RYR3: variants seen among roughly 807,000 people sequenced by gnomAD.
RYR3 encodes brain ryanodine receptor-calcium release channel.
A neutral mutation model predicts 584.3 loss-of-function variants in RYR3; 207 were observed. The ratio of observed to expected loss-of-function variants is 0.35; its 90% CI spans 0.32 to 0.40. RYR3 has a LOEUF of 0.40. RYR3 is among the 10% of genes least tolerant of loss of function. The pLI is 1.00. For missense variants in RYR3, 5,616 were observed against 6,089.2 expected, an observed-to-expected ratio of 0.92 and a Z score of 2.59; for synonymous variants, 2,416 against 2,248.5, an observed-to-expected ratio of 1.07 and a Z score of -2.11.
At chr15:33,713,241 G>C (rs1055933831) in intron 43 of RYR3, among the ~76,000 whole-genome samples, 2 of 151,896 alleles carry the variant, frequency 1.3e-5, no homozygotes, top group Non-Finnish European at 2.9e-5. Flanking sequence ...GTGGGTGATG[G>C]GGTGTTCATG....
chr15:33,584,603 A>T, intron 15 of RYR3, 113 bp downstream of exon 15: 1 of 570,190 alleles, frequency 1.8e-6, no homozygotes, highest in Non-Finnish European at 3.1e-6. Flanking sequence ...CAATCCTCAA[A>T]TCATACTTCA....
intron 1 of RYR3, among the ~76,000 whole-genome samples, chr15:33,346,110 A>G (rs1053353734): frequency 2.0e-5 from 3 of 152,234 alleles, no homozygotes; most frequent in African/African-American, 7.2e-5. Flanking sequence ...CAATAATACT[A>G]TACCAACTTC....
chr15:33,484,480 T>G (rs2050243669), intron 2 of RYR3, among the ~76,000 whole-genome samples: 1 of 152,170 alleles, frequency 6.6e-6, no homozygotes, highest in African/African-American at 2.4e-5. Context: ...AGATAGGTGA[T>G]GAGGGCACAG....
chr15:33,860,614 C>G lies in RYR3; in HGVS notation c.14319C>G (p.Phe4773Leu). 1 of 1,590,414 alleles carries G rather than the reference C, an allele frequency of 6.3e-7. No homozygotes were observed. The change falls in exon 101 of 104, where the codon TTC (phenylalanine) becomes TTG (leucine). Residue 4773 changes from phenylalanine to leucine, a missense_variant. By Grantham distance (22) the Phe-to-Leu change is conservative. Transcript: ENST00000634891. ...TTCCAGGTCTTATTATTGATGCTTT[C>G]GGAGAGCTAAGAGACCAGCAGGAAC... ...AIIQGLIIDA[F>L]GELRDQQEQV...
intron 1 of RYR3, among the ~76,000 whole-genome samples, chr15:33,404,444 C>A (rs1272613073): frequency 2.0e-5 from 3 of 152,186 alleles, no homozygotes; most frequent in Admixed American, 1.3e-4. Flanking sequence ...TCTCAAAGCT[C>A]AGGTTCTTCT....
intron 63 of RYR3, 90 bp from the exon 64 acceptor site, chr15:33,773,444 C>G (rs1306555403): frequency 7.0e-6 from 6 of 859,858 alleles, no homozygotes; most frequent in Non-Finnish European, 1.1e-5. Flanking sequence ...TTACTCTTTA[C>G]TGATGCTCAT....
intron 43 of RYR3, among the ~76,000 whole-genome samples, chr15:33,719,641 CA>C (rs1312383139): frequency 6.6e-6 from 1 of 152,170 alleles, no homozygotes; most frequent in African/African-American, 2.4e-5. Flanking sequence ...TACTGGAGGC[CA>C]AAACCATTCG....
chr15:33,424,733 G>A (rs1426449522), intron 1 of RYR3, among the ~76,000 whole-genome samples: 1 of 152,086 alleles, frequency 6.6e-6, no homozygotes, highest in Admixed American at 6.5e-5. Context: ...ATCACATGGG[G>A]GTTTTTGTGA....
chr15:33,679,319 G>A (rs1234450635), intron 38 of RYR3, among the ~76,000 whole-genome samples: 2 of 152,162 alleles, frequency 1.3e-5, no homozygotes, highest in African/African-American at 2.4e-5. Context: ...GTTTAGTGAT[G>A]TGCAGTGATG....
Position 33,310,974 on chromosome 15 carries a change from A to C in RYR3, c.-72A>C. 8.5e-7 allele frequency: 1 copy of C among 1,173,166 alleles called. No individual in the cohort carries two copies. 72.7% of individuals were successfully genotyped at this position (1,173,166 alleles called of 1,614,324 possible). A position where few individuals can be genotyped will look rare whatever the true frequency, so the allele number is the denominator to read the frequency against. On this transcript the variant is annotated 5_prime_UTR_variant, in exon 1 of 104. Transcript: ENST00000634891. Reference sequence around the variant, plus strand: ...GAGGAGAAAGAGCGCAGCAGCAGTCAGCGCACGCCGAGCGGCTGCCGGGGG... The same window carrying C: ...GAGGAGAAAGAGCGCAGCAGCAGTCCGCGCACGCCGAGCGGCTGCCGGGGG...
chr15:33,692,078 T>C (rs1221339684), intron 38 of RYR3, among the ~76,000 whole-genome samples: 1 of 152,248 alleles, frequency 6.6e-6, no homozygotes, highest in African/African-American at 2.4e-5. Context: ...TTATTAAACC[T>C]GCAGTATGTG....
At chr15:33,509,802 T>A (rs2052810538) in intron 3 of RYR3, among the ~76,000 whole-genome samples, 1 of 152,182 alleles carries the variant, frequency 6.6e-6, no homozygotes. Context: ...GTGCCCTTGC[T>A]CAGGACCTCC....
At chr15:33,740,569 G>A (rs985457881) in intron 51 of RYR3, among the ~76,000 whole-genome samples, 18 of 152,182 alleles carry the variant, frequency 1.2e-4, no homozygotes, top group Middle Eastern at 3.2e-3. Context: ...CACTGGTGTT[G>A]ACTAGGCCAT....
At position 33,675,425 on chromosome 15, in the gene RYR3, T is replaced by C. The variant is rs138772066; in HGVS notation, c.5860+4869T>C. Among the ~76,000 whole-genome samples, 190 of 152,364 alleles carry C rather than the reference T, an allele frequency of 1.2e-3. 1 individual carries two copies. Among genetic ancestry groups the C allele is most frequent in the South Asian group, 0.012 (58 of 4,830 alleles). ...ATTCAACGCCCATCCTTGTCACTTA[T>C]GTAATAACATCCTGCCCCCTATAGG... On this transcript the variant is annotated intron_variant, in intron 38 of 103. Coordinates refer to ENST00000634891, the MANE Select transcript of RYR3 (RefSeq NM_001036.6).
intron 1 of RYR3, among the ~76,000 whole-genome samples, chr15:33,313,420 C>T (rs903824931): frequency 6.6e-6 from 1 of 152,166 alleles, no homozygotes; most frequent in Non-Finnish European, 1.5e-5. Context: ...CTGAGCTTGG[C>T]ATCCTCCTTC....
intron 7 of RYR3, among the ~76,000 whole-genome samples, chr15:33,543,163 A>C (rs2055955741): frequency 6.6e-6 from 1 of 152,144 alleles, no homozygotes; most frequent in African/African-American, 2.4e-5. Context: ...GGGTCTTAAG[A>C]ATGGTCTGCT....
intron 68 of RYR3, 98 bp downstream of exon 68, chr15:33,800,955 G>T: frequency 1.1e-6 from 1 of 898,400 alleles, no homozygotes; most frequent in South Asian, 1.4e-5. Flanking sequence ...AATATTCGAA[G>T]AAATGTATTC....
Position 33,571,396 on chromosome 15 carries a change from G to A in RYR3, c.1268+4597G>A, listed in dbSNP as rs189015327. Among the ~76,000 whole-genome samples, 9 of 152,130 alleles carry A rather than the reference G, an allele frequency of 5.9e-5. No individual in the cohort carries two copies. In the South Asian group the frequency reaches 1.0e-3, roughly 18 times the overall value. On this transcript the variant is annotated intron_variant, in intron 12 of 103. Transcript: ENST00000634891. ...TTATTACATTAACTGGTGGAGAATC[G>A]GGTATTGATGTTTCTGTTACTGTTG...
intron 60 of RYR3, among the ~76,000 whole-genome samples, chr15:33,767,025 G>C (rs1046519424): frequency 6.6e-6 from 1 of 152,254 alleles, no homozygotes; most frequent in African/African-American, 2.4e-5. Context: ...AGCCATGTTA[G>C]TATGAGGATC....
Sources: gnomAD v4.1 joint callset for allele counts (sites outside exome capture counted in the v4.1 genomes callset) on GRCh38, gnomAD v4.1.1 for gene constraint, MANE v1.5 for transcripts, NCBI Gene and HGNC (gene_info 2026-07-23, HGNC 2026-07-21) for gene names.